CNBD1: variants seen among roughly 807,000 people sequenced by gnomAD.
CNBD1 encodes cyclic nucleotide-binding domain-containing protein 1.
Under a neutral mutation model 54.4 loss-of-function variants are expected in CNBD1, and 71 were observed. The ratio of observed to expected loss-of-function variants is 1.30; its 90% CI spans 1.08 to 1.59. CNBD1 has a LOEUF of 1.59. CNBD1 is among the 40% of genes most tolerant of loss of function. CNBD1 has a pLI of 0.00. For synonymous variants in CNBD1, 182 were observed against 170.7 expected (o/e 1.07, Z -0.51); for missense variants, 659 against 518.0 (o/e 1.27, Z -2.64).
chr8:87,317,823 A>G (rs1283188923), intron 8 of CNBD1, among the ~76,000 whole-genome samples: 1 of 152,008 alleles, frequency 6.6e-6, no homozygotes, highest in Non-Finnish European at 1.5e-5. Flanking sequence ...CTCTAAATAC[A>G]TAAGATTAGG....
chr8:87,176,574 T>G (rs1156499582), intron 4 of CNBD1, among the ~76,000 whole-genome samples: 2 of 149,554 alleles, frequency 1.3e-5, no homozygotes, highest in Non-Finnish European at 3.0e-5. Context: ...ACCCTCTGCC[T>G]CCCGGGTTCA....
intron 4 of CNBD1, among the ~76,000 whole-genome samples, chr8:86,965,103 CTTATA>C (rs1554634892): frequency 6.6e-6 from 1 of 152,142 alleles, no homozygotes; most frequent in Non-Finnish European, 1.5e-5. Context: ...TACTCTTAAC[CTTATA>C]TTATATACTT....
At chr8:87,250,315 G>A (rs1163067402) in intron 6 of CNBD1, among the ~76,000 whole-genome samples, 1 of 152,120 alleles carries the variant, frequency 6.6e-6, no homozygotes, top group Non-Finnish European at 1.5e-5. Context: ...ATCCAAGACA[G>A]GTAATCACAA....
intron 8 of CNBD1, among the ~76,000 whole-genome samples, chr8:87,296,827 A>T (rs1808884890): frequency 6.6e-6 from 1 of 152,124 alleles, no homozygotes; most frequent in Non-Finnish European, 1.5e-5. Context: ...ACACTTACAG[A>T]AATATAATGC....
chr8:87,325,645 C>A (rs1295100781), intron 8 of CNBD1, among the ~76,000 whole-genome samples: 1 of 134,184 alleles, frequency 7.5e-6, no homozygotes. Flanking sequence ...TTTTTGTTTT[C>A]CATTTGCTTG....
intron 6 of CNBD1, among the ~76,000 whole-genome samples, chr8:87,275,172 C>T (rs967118911): frequency 2.3e-4 from 33 of 141,110 alleles, no homozygotes; most frequent in South Asian, 4.6e-4. Flanking sequence ...TTTTGGTTAC[C>T]GTAGCCTTGT....
chr8:87,088,856 G>C (rs1265966620), intron 4 of CNBD1, among the ~76,000 whole-genome samples: 1 of 152,078 alleles, frequency 6.6e-6, no homozygotes, highest in Non-Finnish European at 1.5e-5. Flanking sequence ...AAAACTGAAA[G>C]AGAATCTCTA....
intron 5 of CNBD1, among the ~76,000 whole-genome samples, chr8:87,219,024 TAAG>T (rs1371933498): frequency 1.3e-5 from 2 of 151,980 alleles, no homozygotes; most frequent in Non-Finnish European, 2.9e-5. Context: ...TTATGCATAA[TAAG>T]AAACTGTTTT....
At chr8:87,185,822 C>T (rs1377388690) in intron 4 of CNBD1, among the ~76,000 whole-genome samples, 1 of 152,076 alleles carries the variant, frequency 6.6e-6, no homozygotes, top group Non-Finnish European at 1.5e-5. Context: ...TTCTCCTCTA[C>T]AATAATTTTC....
At chr8:87,033,237 C>G (rs993179228) in intron 4 of CNBD1, among the ~76,000 whole-genome samples, 7 of 152,092 alleles carry the variant, frequency 4.6e-5, no homozygotes, top group Non-Finnish European at 1.0e-4. Context: ...GTGTAATAAG[C>G]CTTAAACGTC....
chr8:86,992,891 C>T (rs914216807), intron 4 of CNBD1, among the ~76,000 whole-genome samples: 13 of 152,076 alleles, frequency 8.5e-5, no homozygotes, highest in Non-Finnish European at 1.9e-4. Flanking sequence ...TTTTTATTTT[C>T]ACATTTACTT....
At chr8:86,957,650 G>T (rs995607984) in intron 4 of CNBD1, among the ~76,000 whole-genome samples, 8 of 152,148 alleles carry the variant, frequency 5.3e-5, no homozygotes, top group Non-Finnish European at 5.9e-5. Flanking sequence ...ATGGTAGTTT[G>T]TATTTCTGTG....
At chr8:86,955,823 T>G (rs1421412527) in intron 4 of CNBD1, among the ~76,000 whole-genome samples, 1 of 152,226 alleles carries the variant, frequency 6.6e-6, no homozygotes, top group Non-Finnish European at 1.5e-5. Context: ...GTGCAGAAGC[T>G]CTTTAGTTTA....
At chr8:87,400,961 T>C (rs1253668347) in intron 2 of CNBD1, among the ~76,000 whole-genome samples, 3 of 151,996 alleles carry the variant, frequency 2.0e-5, no homozygotes, top group Non-Finnish European at 4.4e-5. Context: ...TAGGTAATTT[T>C]TGAGAAATGA....
chr8:87,247,824 G>A (rs1296691972), intron 6 of CNBD1, among the ~76,000 whole-genome samples: 3 of 152,310 alleles, frequency 2.0e-5, no homozygotes, highest in Non-Finnish European at 4.4e-5. Context: ...CCTGCAAAAT[G>A]TTTTTAAGTT....
At chr8:87,285,211 T>G (rs1728787370) in intron 7 of CNBD1, among the ~76,000 whole-genome samples, 1 of 152,118 alleles carries the variant, frequency 6.6e-6, no homozygotes, top group South Asian at 2.1e-4. Context: ...GTAGTCTACT[T>G]TAAAAGGAAA....
intron 10 of CNBD1, among the ~76,000 whole-genome samples, chr8:87,380,196 A>T (rs1437782491): frequency 6.6e-6 from 1 of 152,012 alleles, no homozygotes; most frequent in Non-Finnish European, 1.5e-5. Context: ...GAATATTAAA[A>T]TGTCAAATGT....
chr8:87,023,691 T>C (rs1477693705), intron 4 of CNBD1, among the ~76,000 whole-genome samples: 1 of 152,218 alleles, frequency 6.6e-6, no homozygotes, highest in African/African-American at 2.4e-5. Context: ...TCAGGCTTAA[T>C]CACACTGAGT....
At chr8:87,284,910 A>C (rs1489985784) in intron 7 of CNBD1, 95 bp downstream of exon 7, 3 of 901,162 alleles carry the variant, frequency 3.3e-6, no homozygotes, top group Non-Finnish European at 4.8e-6. Context: ...TATCTGTTTT[A>C]TTTTTAAATT....
Sources: allele counts gnomAD v4.1 joint callset (sites outside exome capture counted in the v4.1 genomes callset), GRCh38; gene constraint gnomAD v4.1.1; transcripts MANE v1.5; gene names NCBI Gene and HGNC (gene_info 2026-07-23, HGNC 2026-07-21).